DPP6: variants seen among roughly 807,000 people sequenced by gnomAD.
The protein encoded by DPP6 is A-type potassium channel modulatory protein DPP6.
Under a neutral mutation model 122.6 loss-of-function variants are expected in DPP6, and 69 were observed. The observed-to-expected ratio is 0.56, with a 90% confidence interval of 0.46 to 0.69. DPP6 has a LOEUF of 0.69. Ranked by LOEUF, DPP6 falls within the 30% of genes least tolerant of loss-of-function variation. The pLI, the probability that DPP6 is intolerant of heterozygous loss-of-function variation, is 0.00. For missense variants in DPP6, 928 were observed against 1,116.9 expected, an observed-to-expected ratio of 0.83 and a Z score of 2.41; for synonymous variants, 418 against 433.1, an observed-to-expected ratio of 0.97 and a Z score of 0.43.
chr7:154,321,555 G>T (rs1209765132), intron 1 of DPP6, among the ~76,000 whole-genome samples: 4 of 152,022 alleles, frequency 2.6e-5, no homozygotes, highest in South Asian at 4.2e-4. Flanking sequence ...AGGCTGAGGC[G>T]GGCGGATCAC....
At chr7:154,860,389 C>T (rs749815767) in intron 17 of DPP6, among the ~76,000 whole-genome samples, 11 of 152,210 alleles carry the variant, frequency 7.2e-5, no homozygotes, top group Non-Finnish European at 1.3e-4. Context: ...CACTGTCAGA[C>T]GTCCCTCTCG....
chr7:154,479,424 A>G lies in DPP6; in HGVS notation c.457+4387A>G, dbSNP rs527779598. ...AATACAAAAATTAGCCAGGCGTGGTAGGGCACACCTGTAGTCCCAGCTACT... is the reference window on the plus strand; with the variant it reads ...AATACAAAAATTAGCCAGGCGTGGTGGGGCACACCTGTAGTCCCAGCTACT... On this transcript the variant is annotated intron_variant, in intron 3 of 25. Coordinates refer to ENST00000377770, the MANE Select transcript of DPP6 (RefSeq NM_130797.4). Among the ~76,000 whole-genome samples, 1,009 of 151,984 alleles carry G rather than the reference A, an allele frequency of 6.6e-3. 14 individuals carry two copies. Among genetic ancestry groups the G allele is most frequent in the African/African-American group, 0.023 (955 of 41,468 alleles).
At chr7:154,374,246 A>G (rs1317354779) in intron 1 of DPP6, among the ~76,000 whole-genome samples, 2 of 152,220 alleles carry the variant, frequency 1.3e-5, no homozygotes, top group Non-Finnish European at 2.9e-5. Flanking sequence ...AGATTAGGAC[A>G]GGAATAGTAA....
intron 2 of DPP6, among the ~76,000 whole-genome samples, chr7:154,473,784 A>G (rs1207779595): frequency 6.6e-6 from 1 of 152,236 alleles, no homozygotes; most frequent in Admixed American, 6.5e-5. Context: ...AAATTGAAAC[A>G]AGAAACAGAC....
At chr7:154,447,302 A>G (rs1386774237) in intron 2 of DPP6, among the ~76,000 whole-genome samples, 2 of 152,116 alleles carry the variant, frequency 1.3e-5, no homozygotes, top group Admixed American at 6.6e-5. Flanking sequence ...CAAGACTCCA[A>G]CTAAAAAATA....
chr7:154,510,969 C>G (rs867416083), intron 3 of DPP6, among the ~76,000 whole-genome samples: 67 of 118,962 alleles, frequency 5.6e-4, no homozygotes, highest in Admixed American at 1.3e-3. Flanking sequence ...CACACACACA[C>G]ACAGAGAGAG....
At chr7:153,970,879 T>C (rs39161) in intron 1 of DPP6, among the ~76,000 whole-genome samples, 44,158 of 152,054 alleles carry the variant, frequency 0.29, 7,322 homozygotes, top group Non-Finnish European at 0.38. Flanking sequence ...ATTACAGTCT[T>C]GATTACTGTA....
chr7:153,758,197 A>T, the DPP6 span, among the ~76,000 whole-genome samples: 3 of 150,610 alleles, frequency 2.0e-5, no homozygotes, highest in Non-Finnish European at 3.0e-5. Context: ...GGTGTTTGTC[A>T]TATTTAGTGA....
chr7:154,705,623 A>C (rs1840786119), intron 7 of DPP6, among the ~76,000 whole-genome samples: 1 of 152,150 alleles, frequency 6.6e-6, no homozygotes, highest in Non-Finnish European at 1.5e-5. Context: ...GCAGGGATGG[A>C]ATCCTGCAGA....
At chr7:154,840,097 G>T (rs576864730) in intron 16 of DPP6, among the ~76,000 whole-genome samples, 42 of 152,324 alleles carry the variant, frequency 2.8e-4, no homozygotes, top group African/African-American at 9.6e-4. Context: ...ACATCCTCGA[G>T]TCCAAAAAGA....
intron 1 of DPP6, among the ~76,000 whole-genome samples, chr7:154,411,908 T>G (rs979744619): frequency 2.0e-5 from 3 of 152,070 alleles, no homozygotes; most frequent in African/African-American, 7.2e-5. Flanking sequence ...GAAAGTGGAT[T>G]TCCTAGCCTA....
chr7:154,732,428 C>A (rs2131380280), intron 8 of DPP6, among the ~76,000 whole-genome samples: 1 of 152,268 alleles, frequency 6.6e-6, no homozygotes, highest in Middle Eastern at 3.4e-3. Context: ...TATGCATATC[C>A]AAAATACATA....
chr7:153,900,818 C>T lies in DPP6; in HGVS notation c.51+13084C>T, dbSNP rs140786033. Among the ~76,000 whole-genome samples the T allele has an allele frequency of 3.9e-3, 588 of 152,238 alleles. 5 individuals carry two copies. Among genetic ancestry groups the T allele is most frequent in the African/African-American group, 0.012 (497 of 41,528 alleles). On this transcript the variant is annotated intron_variant, in intron 1 of 25. Coordinates refer to the DPP6 transcript ENST00000404039. ...TTTATTTTCAGCCTTATCCGTAGCA[C>T]GCTTTATGGTAGCAAAGAGGTCTAC... is the stretch of plus-strand genomic sequence containing the variant.
At chr7:153,974,062 C>A (rs151135069) in intron 1 of DPP6, among the ~76,000 whole-genome samples, 13,887 of 151,884 alleles carry the variant, frequency 0.091, 742 homozygotes, top group Middle Eastern at 0.1. Context: ...CAATCATCTG[C>A]AAAGGATCGG....
At chr7:154,889,231 T>C in intron 23 of DPP6, 41 bp from the exon 24 acceptor site, 1 of 1,602,434 alleles carries the variant, frequency 6.2e-7, no homozygotes, top group Non-Finnish European at 8.5e-7. Context: ...CTCCCTGCAG[T>C]GCAGCCCCCT....
chr7:154,808,988 T>C (rs1231506470), intron 16 of DPP6, among the ~76,000 whole-genome samples: 5 of 152,204 alleles, frequency 3.3e-5, no homozygotes, highest in African/African-American at 7.2e-5. Context: ...CAGAGGGGCT[T>C]GGTCTGGCCT....
At chr7:154,253,964 G>A (rs551848928) in intron 1 of DPP6, among the ~76,000 whole-genome samples, 25 of 152,310 alleles carry the variant, frequency 1.6e-4, no homozygotes, top group African/African-American at 5.8e-4. Context: ...AGGAGGTGCT[G>A]CAAACTTTAA....
At chr7:154,786,694 C>T (rs193123300) in intron 10 of DPP6, among the ~76,000 whole-genome samples, 14 of 152,282 alleles carry the variant, frequency 9.2e-5, no homozygotes, top group Admixed American at 2.0e-4. Flanking sequence ...CAGTTCTTTA[C>T]AGCAGTGTGA....
intron 1 of DPP6, among the ~76,000 whole-genome samples, chr7:154,184,952 A>G (rs190295287): frequency 6.6e-6 from 1 of 152,214 alleles, no homozygotes; most frequent in South Asian, 2.1e-4. Flanking sequence ...CTCATGCATC[A>G]ACCAGCATAG....
Sources: gnomAD v4.1 joint callset for allele counts (sites outside exome capture counted in the v4.1 genomes callset) on GRCh38, gnomAD v4.1.1 for gene constraint, MANE v1.5 for transcripts, NCBI Gene and HGNC (gene_info 2026-07-23, HGNC 2026-07-21) for gene names.